SFMBT2: variants seen among roughly 807,000 people sequenced by gnomAD.
The protein encoded by SFMBT2 is scm-like with four MBT domains protein 2.
Under a neutral mutation model 110.1 loss-of-function variants are expected in SFMBT2, and 38 were observed. The observed-to-expected ratio is 0.35, with a 90% CI of 0.27 to 0.45. The LOEUF is 0.45. Among genes scored for constraint, SFMBT2 ranks in the 20% least tolerant of loss-of-function variants. The pLI is 1.00. For synonymous variants in SFMBT2, 425 were observed against 425.4 expected (o/e 1.00, Z 0.01); for missense variants, 1,011 against 1,094.9 (o/e 0.92, Z 1.08).
At position 7,284,030 on chromosome 10, in the gene SFMBT2, A is replaced by G. The variant is rs1842021478; in HGVS notation, c.646T>C (p.Leu216=). The G allele has an allele frequency of 1.2e-6, 2 of 1,614,152 alleles. No homozygotes were observed. Among genetic ancestry groups the G allele is most frequent in the Non-Finnish European group, 1.7e-6 (2 of 1,180,014 alleles). The change falls in exon 6 of 21, where the codon TTA becomes CTA. Residue 216 remains leucine (L), a synonymous_variant. Coordinates refer to ENST00000397167, the MANE Select transcript of SFMBT2 (RefSeq NM_001387889.1). ...VSVIENVGGR[L]RLRYVGLEDT... ...TCCAATCCCACATAGCGAAGGCGTA[A>G]TCTTCCTCCAACATTTTCAATCACA...
chr10:7,207,662 C>G (rs779189006), intron 11 of SFMBT2: 242 of 965,454 alleles, frequency 2.5e-4, no homozygotes, highest in Non-Finnish European at 2.9e-4. Context: ...AAAACCATAA[C>G]TTCACGAAGC....
chr10:7,194,044 C>T (rs770887486), intron 15 of SFMBT2, among the ~76,000 whole-genome samples: 4 of 152,196 alleles, frequency 2.6e-5, no homozygotes, highest in Admixed American at 6.5e-5. Context: ...TGCCTAACAA[C>T]TCCACCCTCC....
chr10:7,288,047 T>C (rs1346895935), intron 4 of SFMBT2, among the ~76,000 whole-genome samples: 1 of 152,210 alleles, frequency 6.6e-6, no homozygotes, highest in Admixed American at 6.5e-5. Context: ...TACTAAATTA[T>C]TACATATATC....
intron 4 of SFMBT2, among the ~76,000 whole-genome samples, chr10:7,311,294 A>G (rs1842850967): frequency 1.3e-5 from 2 of 152,234 alleles, no homozygotes; most frequent in Non-Finnish European, 2.9e-5. Flanking sequence ...ATCTAGAGCT[A>G]AACATTTCCA....
intron 7 of SFMBT2, among the ~76,000 whole-genome samples, chr10:7,275,409 C>G (rs1246220776): frequency 6.6e-6 from 1 of 151,924 alleles, no homozygotes; most frequent in Non-Finnish European, 1.5e-5. Flanking sequence ...CTGAGAGGTC[C>G]AACATTAAAG....
chr10:7,248,021 T>TA (rs1840671797), intron 8 of SFMBT2, among the ~76,000 whole-genome samples: 1 of 152,200 alleles, frequency 6.6e-6, no homozygotes, highest in Non-Finnish European at 1.5e-5. Context: ...GCTGGGATAT[T>TA]ACAATCTTCA....
At chr10:7,246,154 G>A (rs535597073) in intron 8 of SFMBT2, 13 of 984,870 alleles carry the variant, frequency 1.3e-5, no homozygotes, top group Admixed American at 6.1e-5. Context: ...GGGTGTATAC[G>A]AAACGGCATG....
Position 7,162,681 on chromosome 10 carries a change from C to T in SFMBT2, c.*1089G>A, listed in dbSNP as rs1837580042. 1 of 152,122 alleles carries T rather than the reference C, an allele frequency of 6.6e-6. No homozygotes were observed. The highest frequency in any genetic ancestry group is 6.5e-5 in the Admixed American group (1 of 15,268). 9.4% of individuals were successfully genotyped at this position (152,122 alleles called of 1,614,324 possible). ...TAAGCTTTTCCTTTGATATATAATC[C>T]AACATTTGCCTAAAAGACTCACTCC... On this transcript the variant is annotated 3_prime_UTR_variant, in exon 21 of 21. Coordinates refer to ENST00000397167, the MANE Select transcript of SFMBT2 (RefSeq NM_001387889.1).
chr10:7,364,457 C>T (rs777464671), intron 4 of SFMBT2, among the ~76,000 whole-genome samples: 12 of 152,172 alleles, frequency 7.9e-5, no homozygotes, highest in Non-Finnish European at 1.5e-4. Flanking sequence ...CATTTGTCTT[C>T]TGAGGGAGAA....
At chr10:7,262,588 C>T (rs575458408) in intron 7 of SFMBT2, among the ~76,000 whole-genome samples, 13 of 152,264 alleles carry the variant, frequency 8.5e-5, no homozygotes, top group Admixed American at 2.0e-4. Context: ...TGAGAACTCC[C>T]GGAGCAGATA....
chr10:7,206,924 C>T, intron 11 of SFMBT2: 5 of 985,338 alleles, frequency 5.1e-6, no homozygotes, highest in Non-Finnish European at 6.0e-6. Context: ...CATTGAGAAC[C>T]AAGATGAAGA....
At chr10:7,186,459 C>CACACACACACACACAT (rs748644225) in intron 16 of SFMBT2, among the ~76,000 whole-genome samples, 1 of 126,896 alleles carries the variant, frequency 7.9e-6, no homozygotes, top group African/African-American at 3.2e-5. Context: ...CACACACACA[C>CACACACACACACACAT]ATATATATAT....
At chr10:7,382,538 T>A (rs1845454130) in intron 1 of SFMBT2, among the ~76,000 whole-genome samples, 2 of 152,172 alleles carry the variant, frequency 1.3e-5, no homozygotes, top group Non-Finnish European at 2.9e-5. Flanking sequence ...GATGGACACA[T>A]ATTTCACGAA....
At chr10:7,324,255 C>T (rs1350968124) in intron 4 of SFMBT2, among the ~76,000 whole-genome samples, 3 of 152,222 alleles carry the variant, frequency 2.0e-5, no homozygotes, top group African/African-American at 7.2e-5. Context: ...CACACACACA[C>T]ACATTTTTTC....
intron 4 of SFMBT2, among the ~76,000 whole-genome samples, chr10:7,338,232 T>A (rs1331239780): frequency 3.3e-5 from 5 of 152,214 alleles, no homozygotes; most frequent in Admixed American, 2.6e-4. Context: ...CCTAAGAGAA[T>A]CACTTCTGCC....
chr10:7,375,400 G>A (rs1040113371), intron 2 of SFMBT2, among the ~76,000 whole-genome samples: 2 of 152,058 alleles, frequency 1.3e-5, no homozygotes, highest in Admixed American at 1.3e-4. Flanking sequence ...CACCAATAAA[G>A]GAACCGGGAA....
At chr10:7,302,424 C>G (rs1842577754) in intron 4 of SFMBT2, among the ~76,000 whole-genome samples, 1 of 152,270 alleles carries the variant, frequency 6.6e-6, no homozygotes, top group Admixed American at 6.5e-5. Context: ...ATAAATGTCA[C>G]TCCACATGCT....
At chr10:7,379,554 A>G (rs1274325815) in intron 2 of SFMBT2, among the ~76,000 whole-genome samples, 1 of 152,204 alleles carries the variant, frequency 6.6e-6, no homozygotes, top group African/African-American at 2.4e-5. Flanking sequence ...TCCTCTTTAA[A>G]GAGTCTGTAT....
In SFMBT2 at chr10:7,301,527, G is replaced by T. The variant is rs1842556940; in HGVS notation, c.437-15573C>A. On this transcript the variant is annotated intron_variant, in intron 4 of 20. Transcript: ENST00000397167. The surrounding 1 kb of genome is among the most constrained non-coding windows in gnomAD (Gnocchi z 4.2). ...CTGCACACTCAGCCATCGGCAGTTA[G>T]TGGCACACTTTCCACTGAGACAGTG... Among the ~76,000 whole-genome samples the T allele has an allele frequency of 6.6e-6, 1 of 152,330 alleles. No homozygotes were observed. Among genetic ancestry groups the T allele is most frequent in the Non-Finnish European group, 1.5e-5 (1 of 68,034 alleles).
Sources: gnomAD v4.1 joint callset for allele counts (sites outside exome capture counted in the v4.1 genomes callset) on GRCh38, gnomAD v4.1.1 for gene constraint, Gnocchi (gnomAD v3.1) non-coding constraint, MANE v1.5 for transcripts, NCBI Gene and HGNC (gene_info 2026-07-23, HGNC 2026-07-21) for gene names.